PMFBP1: variants seen among roughly 807,000 people sequenced by gnomAD.
PMFBP1 encodes the protein polyamine-modulated factor 1-binding protein 1.
Under a neutral mutation model 137.8 loss-of-function variants are expected in PMFBP1, and 131 were observed. That is an observed-to-expected ratio of 0.95 (90% CI 0.82 to 1.10). The LOEUF is 1.10. PMFBP1 is among the 50% of genes least tolerant of loss of function. PMFBP1 has a pLI of 0.00. For synonymous variants in PMFBP1, 490 were observed against 450.4 expected (o/e 1.09, Z -1.11); for missense variants, 1,199 against 1,175.4 (o/e 1.02, Z -0.29).
chr16:72,152,733 T>C (rs142553826), intron 4 of PMFBP1, among the ~76,000 whole-genome samples: 81 of 150,738 alleles, frequency 5.4e-4, no homozygotes, highest in Admixed American at 1.3e-3. Context: ...TAATCCCAGC[T>C]ACTCAGGAGG....
rs2144297131 is a variant in PMFBP1, at chr16:72,132,857, C to T, written c.1338G>A (p.Lys446=). The change falls in exon 10 of 21, where the codon AAG becomes AAA. Residue 446 remains lysine (K), a synonymous_variant. Transcript: ENST00000237353. The part of the protein sequence containing the change: ...CMATELEMTV[K]EAKQDKSKEA... ...CCTTGGACTTGTCCTGCTTAGCCTC[C>T]TTGACTGTCATTTCAAGTTCTGTGG... The T allele has an allele frequency of 1.9e-6, 3 of 1,614,236 alleles. No homozygotes were observed. The East Asian group carries it at 6.7e-5, about 36-fold the overall frequency.
the PMFBP1 span, among the ~76,000 whole-genome samples, chr16:72,243,992 G>C: frequency 1.3e-5 from 2 of 152,138 alleles, no homozygotes; most frequent in African/African-American, 4.8e-5. Flanking sequence ...CCAATTTTCA[G>C]TGTTTATAGA....
intron 19 of PMFBP1, among the ~76,000 whole-genome samples, chr16:72,120,466 T>C (rs2042360853): frequency 1.3e-5 from 2 of 152,194 alleles, no homozygotes; most frequent in South Asian, 4.1e-4. Flanking sequence ...ACTGTGATCA[T>C]GTGTCCTCGG....
intron 20 of PMFBP1, 80 bp downstream of exon 20, chr16:72,119,771 T>C: frequency 6.4e-7 from 1 of 1,557,802 alleles, no homozygotes; most frequent in Non-Finnish European, 8.7e-7. Flanking sequence ...AGGCCTATTT[T>C]CTTCTTCCTA....
At position 72,126,102 on chromosome 16, in the gene PMFBP1, G is replaced by T. The variant is rs1347273515; in HGVS notation, c.2119C>A (p.Leu707Met). 6.2e-7 allele frequency: 1 copy of T among 1,614,072 alleles called. No individual in the cohort carries two copies. Among genetic ancestry groups the T allele is most frequent in the Non-Finnish European group, 8.5e-7 (1 of 1,180,024 alleles). Reference protein sequence around the residue: ...IALQKESLMSLQAQLDKALQK... With the variant: ...IALQKESLMSMQAQLDKALQK... ...AGAGCTTTGTCCAGCTGGGCCTGCA[G>T]GCTCATTAAGGACTCCTTCTGAAGG... is the stretch of plus-strand genomic sequence containing the variant. The change falls in exon 15 of 21, where the codon CTG becomes ATG. Residue 707 changes from leucine to methionine, a missense_variant. Coordinates refer to ENST00000237353, the MANE Select transcript of PMFBP1 (RefSeq NM_031293.3).
chr16:72,141,986 G>C (rs2042730359), intron 5 of PMFBP1, among the ~76,000 whole-genome samples: 1 of 148,142 alleles, frequency 6.8e-6, no homozygotes, highest in East Asian at 2.0e-4. Flanking sequence ...ACAATCATAA[G>C]GGGGTAAATT....
At chr16:72,135,361 T>TGTGTG (rs563423693) in intron 9 of PMFBP1, among the ~76,000 whole-genome samples, 4 of 141,844 alleles carry the variant, frequency 2.8e-5, no homozygotes, top group Non-Finnish European at 4.5e-5. Context: ...GTGTGTGTGT[T>TGTGTG]TTTTTTTTTT....
chr16:72,229,999 G>A, the PMFBP1 span, among the ~76,000 whole-genome samples: 1 of 152,156 alleles, frequency 6.6e-6, no homozygotes, highest in Admixed American at 6.5e-5. Context: ...GGTGACTTTA[G>A]TCACTTTCCA....
At chr16:72,203,027 C>T in the PMFBP1 span, among the ~76,000 whole-genome samples, 3 of 152,298 alleles carry the variant, frequency 2.0e-5, no homozygotes, top group South Asian at 6.2e-4. Flanking sequence ...CTGTGGCCTC[C>T]CTCAGTCCTA....
At chr16:72,178,293 G>C (rs1423448531), upstream of PMFBP1, among the ~76,000 whole-genome samples, 3 of 152,048 alleles carry the variant, frequency 2.0e-5, no homozygotes, top group African/African-American at 4.8e-5. Context: ...TGGTCACCTG[G>C]TTATGCTGGT....
the PMFBP1 span, among the ~76,000 whole-genome samples, chr16:72,240,527 C>T: frequency 1.3e-5 from 2 of 152,200 alleles, no homozygotes; most frequent in Non-Finnish European, 2.9e-5. Context: ...ATACCATATT[C>T]TATTTTATTC....
intron 1 of PMFBP1, 120 bp downstream of exon 1, chr16:72,171,934 G>A (rs2043225979): frequency 1.3e-5 from 2 of 152,224 alleles, no homozygotes. Context: ...CTTTGCACAT[G>A]TATGTGCATG....
the PMFBP1 span, among the ~76,000 whole-genome samples, chr16:72,242,664 T>C: frequency 6.6e-6 from 1 of 152,258 alleles, no homozygotes; most frequent in Non-Finnish European, 1.5e-5. Flanking sequence ...AGAACGTTCA[T>C]TTTCATTAAA....
chr16:72,204,463 A>C, the PMFBP1 span, among the ~76,000 whole-genome samples: 2 of 152,120 alleles, frequency 1.3e-5, no homozygotes, highest in African/African-American at 4.8e-5. Context: ...TTGGCCTCCC[A>C]AAGTGCTGGG....
chr16:72,247,703 T>G, the PMFBP1 span, among the ~76,000 whole-genome samples: 1 of 152,272 alleles, frequency 6.6e-6, no homozygotes, highest in Non-Finnish European at 1.5e-5. Flanking sequence ...TTCATATGGG[T>G]TTTTGCTCAT....
At chr16:72,164,671 G>T in intron 3 of PMFBP1, 93 bp downstream of exon 3, 1 of 1,450,506 alleles carries the variant, frequency 6.9e-7, no homozygotes, top group South Asian at 1.3e-5. Flanking sequence ...ACTCCTGAAT[G>T]AACAGTGGAA....
chr16:72,215,762 A>G, the PMFBP1 span, among the ~76,000 whole-genome samples: 1 of 152,210 alleles, frequency 6.6e-6, no homozygotes. Flanking sequence ...CCCAACAACA[A>G]CAAAAAACTC....
the PMFBP1 span, among the ~76,000 whole-genome samples, chr16:72,217,116 C>T: frequency 1.9e-4 from 29 of 152,120 alleles, no homozygotes; most frequent in African/African-American, 6.3e-4. Flanking sequence ...CTCTCTAGTC[C>T]GTGCATCTAG....
At chr16:72,194,665 G>A in the PMFBP1 span, among the ~76,000 whole-genome samples, 2 of 152,188 alleles carry the variant, frequency 1.3e-5, no homozygotes, top group African/African-American at 2.4e-5. Flanking sequence ...TCATGGGAGT[G>A]AGAGAATCGG....
Sources: gnomAD v4.1 joint callset for allele counts (sites outside exome capture counted in the v4.1 genomes callset) on GRCh38, gnomAD v4.1.1 for gene constraint, MANE v1.5 for transcripts, NCBI Gene and HGNC (gene_info 2026-07-23, HGNC 2026-07-21) for gene names.